The following NRXN3 variants were observed in gnomAD, a reference collection of about 807,000 sequenced individuals.
The protein encoded by NRXN3 is neurexin 3, also known as neurexin III.
A neutral mutation model predicts 137.6 loss-of-function variants in NRXN3; 32 were observed. The ratio of observed to expected loss-of-function variants is 0.23; its 90% CI spans 0.18 to 0.31. The LOEUF (loss-of-function observed/expected upper bound fraction) is 0.31. Among genes scored for constraint, NRXN3 ranks in the 10% least tolerant of loss-of-function variants. The probability of loss-of-function intolerance (pLI) is 1.00; values close to 1 mark genes in which losing one functional copy is unlikely to be tolerated. For synonymous variants in NRXN3, 798 were observed against 784.5 expected (o/e 1.02, Z -0.29); for missense variants, 1,574 against 2,062.5 (o/e 0.76, Z 4.59).
intron 1 of NRXN3, among the ~76,000 whole-genome samples, chr14:78,235,469 A>AGATCT (rs1283016111): frequency 6.6e-6 from 1 of 152,134 alleles, no homozygotes; most frequent in African/African-American, 2.4e-5. Context: ...TATCATGAGA[A>AGATCT]GATCTGCTGA....
chr14:78,612,386 A>G (rs1023250618), intron 4 of NRXN3, among the ~76,000 whole-genome samples: 1 of 152,230 alleles, frequency 6.6e-6, no homozygotes, highest in Admixed American at 6.5e-5. Flanking sequence ...CAAAAAATAT[A>G]TGTGTACATC....
At chr14:78,690,122 TA>T (rs940140358) in intron 6 of NRXN3, among the ~76,000 whole-genome samples, 1 of 152,348 alleles carries the variant, frequency 6.6e-6, no homozygotes, top group Non-Finnish European at 1.5e-5. Context: ...TATTCATCAT[TA>T]TTTTCTGGGT....
chr14:79,273,505 G>A (rs1328596109), intron 15 of NRXN3, among the ~76,000 whole-genome samples: 5 of 151,858 alleles, frequency 3.3e-5, no homozygotes, highest in African/African-American at 9.7e-5. Flanking sequence ...GTGGTGGTGG[G>A]CACCTGTAGT....
At chr14:79,367,684 G>A (rs1043253050) in intron 15 of NRXN3, among the ~76,000 whole-genome samples, 8 of 152,258 alleles carry the variant, frequency 5.3e-5, no homozygotes, top group Middle Eastern at 3.4e-3. Flanking sequence ...AGACTAGCAC[G>A]TAGCCTAGCT....
At chr14:78,229,486 C>T (rs2065097411) in intron 1 of NRXN3, among the ~76,000 whole-genome samples, 1 of 152,142 alleles carries the variant, frequency 6.6e-6, no homozygotes, top group Admixed American at 6.5e-5. Context: ...GCGATCTTCA[C>T]TGTCCTCTCC....
chr14:79,096,763 C>T (rs1026479181), intron 15 of NRXN3, among the ~76,000 whole-genome samples: 9 of 152,102 alleles, frequency 5.9e-5, no homozygotes, highest in Non-Finnish European at 1.2e-4. Context: ...CAACAGATCC[C>T]AATCACCCTT....
intron 16 of NRXN3, among the ~76,000 whole-genome samples, chr14:79,595,823 C>T (rs2097853248): frequency 2.6e-5 from 4 of 152,152 alleles, no homozygotes; most frequent in Non-Finnish European, 4.4e-5. Flanking sequence ...CTTGGAAATT[C>T]GTAATTGCAT....
intron 9 of NRXN3, 122 bp downstream of exon 9, chr14:78,803,945 T>C (rs1344634169): frequency 1.1e-6 from 1 of 912,220 alleles, no homozygotes; most frequent in Non-Finnish European, 1.7e-6. Context: ...ACCTCTTGTT[T>C]AACAGACCCA....
At chr14:79,786,867 T>A (rs1387382189) in intron 19 of NRXN3, among the ~76,000 whole-genome samples, 1 of 152,154 alleles carries the variant, frequency 6.6e-6, no homozygotes, top group African/African-American at 2.4e-5. Context: ...TTATTCAGAG[T>A]GATTACACTA....
At chr14:78,339,540 G>A (rs924107137) in intron 4 of NRXN3, among the ~76,000 whole-genome samples, 1 of 152,084 alleles carries the variant, frequency 6.6e-6, no homozygotes, top group African/African-American at 2.4e-5. Context: ...TAAGTGTGAG[G>A]AGAAAAAATA....
chr14:78,496,771 G>A (rs551021841), intron 4 of NRXN3, among the ~76,000 whole-genome samples: 9 of 152,054 alleles, frequency 5.9e-5, no homozygotes, highest in Non-Finnish European at 1.2e-4. Flanking sequence ...TGGTTATGTC[G>A]TTATTTGGGG....
intron 15 of NRXN3, among the ~76,000 whole-genome samples, chr14:79,069,509 C>T (rs556711498): frequency 4.8e-4 from 69 of 144,424 alleles, no homozygotes; most frequent in African/African-American, 1.8e-3. Context: ...CTAAGTGCTA[C>T]AAAGAGAAAC....
intron 14 of NRXN3, among the ~76,000 whole-genome samples, chr14:78,977,426 C>T (rs569345140): frequency 1.3e-5 from 2 of 152,166 alleles, no homozygotes; most frequent in Admixed American, 1.3e-4. Flanking sequence ...AAGTATATTC[C>T]ACTGCCCCAG....
At chr14:78,451,585 C>T (rs2094551784) in intron 4 of NRXN3, among the ~76,000 whole-genome samples, 2 of 152,198 alleles carry the variant, frequency 1.3e-5, no homozygotes, top group Admixed American at 1.3e-4. Context: ...ATACTCCCTT[C>T]CCGTATAGAT....
At chr14:79,557,646 A>G (rs1187469442) in intron 16 of NRXN3, among the ~76,000 whole-genome samples, 8 of 152,190 alleles carry the variant, frequency 5.3e-5, no homozygotes, top group Non-Finnish European at 1.0e-4. Flanking sequence ...ATAAATATTT[A>G]TTGCTAAAAT....
rs113652263 is a variant in NRXN3 at position 79,353,542 on chromosome 14, C to T, written c.3263-113679C>T. On this transcript the variant is annotated intron_variant, in intron 15 of 20. Transcript: ENST00000335750. ...CTGCATCATGTATCATAAATAAAAA[C>T]GAAAAAAATGAAGTGTAATATTTTA... 1.9e-3 allele frequency among the ~76,000 whole-genome samples: 283 copies of T among 151,884 alleles called. 2 individuals carry two copies. The highest frequency in any genetic ancestry group is 3.3e-3 in the South Asian group (16 of 4,818).
chr14:79,685,855 A>C (rs1366167075), intron 17 of NRXN3, among the ~76,000 whole-genome samples: 5 of 152,220 alleles, frequency 3.3e-5, no homozygotes, highest in Non-Finnish European at 5.9e-5. Context: ...GAAGTCTAAT[A>C]TTAACATGTA....
intron 1 of NRXN3, among the ~76,000 whole-genome samples, chr14:78,222,279 G>T (rs2063929066): frequency 6.6e-6 from 1 of 152,140 alleles, no homozygotes; most frequent in African/African-American, 2.4e-5. Context: ...CCAGAGAGCA[G>T]CTGCTGGAGC....
At chr14:79,773,923 A>T (rs185936387) in intron 19 of NRXN3, among the ~76,000 whole-genome samples, 8 of 152,078 alleles carry the variant, frequency 5.3e-5, no homozygotes, top group Admixed American at 3.3e-4. Context: ...CCTAACATAA[A>T]GTAGTTGCTC....
Sources: gnomAD v4.1 joint callset for allele counts (sites outside exome capture counted in the v4.1 genomes callset) on GRCh38, gnomAD v4.1.1 for gene constraint, MANE v1.5 for transcripts, NCBI Gene and HGNC (gene_info 2026-07-23, HGNC 2026-07-21) for gene names.